SCML4: variants seen among roughly 807,000 people sequenced by gnomAD.
SCML4 encodes Scm polycomb group protein like 4.
Under a neutral mutation model 41.1 loss-of-function variants are expected in SCML4, and 34 were observed. The observed-to-expected ratio is 0.83, with a 90% CI of 0.63 to 1.10. The LOEUF is 1.10. SCML4 is among the 50% of genes least tolerant of loss of function. The pLI is 0.00. For synonymous variants in SCML4, 214 were observed against 220.9 expected (o/e 0.97, Z 0.28); for missense variants, 522 against 534.1 (o/e 0.98, Z 0.22).
At chr6:107,835,937 G>A in the SCML4 span, among the ~76,000 whole-genome samples, 1 of 152,158 alleles carries the variant, frequency 6.6e-6, no homozygotes, top group Non-Finnish European at 1.5e-5. Context: ...GTCCACAGAA[G>A]TGAGATTTAT....
intron 2 of SCML4, among the ~76,000 whole-genome samples, chr6:107,752,508 G>A (rs901562844): frequency 1.3e-5 from 2 of 152,046 alleles, no homozygotes; most frequent in East Asian, 1.9e-4. Context: ...ATTCCAACAC[G>A]AAGAGCCTGG....
intron 7 of SCML4, among the ~76,000 whole-genome samples, chr6:107,706,170 C>A (rs1773606063): frequency 6.6e-6 from 1 of 152,160 alleles, no homozygotes; most frequent in South Asian, 2.1e-4. Context: ...ATGGAGCACC[C>A]ACTCTGTGTC....
At chr6:107,828,780 T>C (rs1469317751), upstream of SCML4, among the ~76,000 whole-genome samples, 1 of 152,100 alleles carries the variant, frequency 6.6e-6, no homozygotes, top group Non-Finnish European at 1.5e-5. Context: ...TACACAAGAG[T>C]GGGTGCCAGA....
chr6:107,725,860 T>A lies in SCML4; in HGVS notation c.683-4867A>T, dbSNP rs1034443276. On this transcript the variant is annotated intron_variant, in intron 5 of 7. Transcript: ENST00000369020. ...ACTCTGGGAGGCAGAGGTGGGTGGATCACATGAGGAGTTCGAGACCAGCTT... is the reference window on the plus strand; with the variant it reads ...ACTCTGGGAGGCAGAGGTGGGTGGAACACATGAGGAGTTCGAGACCAGCTT... 3.3e-5 allele frequency among the ~76,000 whole-genome samples: 5 copies of A among 151,600 alleles called. No individual in the cohort carries two copies. In the South Asian group the frequency reaches 8.3e-4, roughly 25 times the overall value.
At chr6:107,768,898 C>A (rs1780288222) in intron 2 of SCML4, among the ~76,000 whole-genome samples, 1 of 152,130 alleles carries the variant, frequency 6.6e-6, no homozygotes, top group Non-Finnish European at 1.5e-5. Flanking sequence ...GCATTATAAC[C>A]AGCTGGCTCA....
intron 1 of SCML4, among the ~76,000 whole-genome samples, chr6:107,793,279 G>A (rs764328337): frequency 1.8e-4 from 28 of 152,294 alleles, no homozygotes; most frequent in Non-Finnish European, 3.1e-4. Context: ...TTAAAAACAG[G>A]AAAGCAGTAA....
chr6:107,780,369 T>C (rs1348861631), intron 1 of SCML4, among the ~76,000 whole-genome samples: 4 of 152,150 alleles, frequency 2.6e-5, no homozygotes, highest in Admixed American at 2.6e-4. Flanking sequence ...CATGTACTCA[T>C]TCTTAGCGTC....
chr6:107,782,378 C>T (rs1781571971), intron 1 of SCML4, among the ~76,000 whole-genome samples: 1 of 152,142 alleles, frequency 6.6e-6, no homozygotes, highest in Non-Finnish European at 1.5e-5. Context: ...AAGGTGAGCT[C>T]AAGGGAGCAT....
the SCML4 span, among the ~76,000 whole-genome samples, chr6:107,832,168 G>T: frequency 6.6e-6 from 1 of 152,172 alleles, no homozygotes; most frequent in Non-Finnish European, 1.5e-5. Flanking sequence ...GAACAAGGGA[G>T]GCAGAGGTTG....
chr6:107,803,244 G>C (rs1335091058), intron 1 of SCML4, among the ~76,000 whole-genome samples: 2 of 134,408 alleles, frequency 1.5e-5, no homozygotes, highest in African/African-American at 5.7e-5. Context: ...CGGCCGCCCT[G>C]TCTGAGAAGT....
At chr6:107,736,960 C>T (rs1429212455) in intron 5 of SCML4, among the ~76,000 whole-genome samples, 1 of 152,208 alleles carries the variant, frequency 6.6e-6, no homozygotes, top group Non-Finnish European at 1.5e-5. Flanking sequence ...CCCCATTATG[C>T]TAAACCTTCA....
intron 2 of SCML4, among the ~76,000 whole-genome samples, chr6:107,750,835 C>T (rs554065516): frequency 6.6e-6 from 1 of 152,228 alleles, no homozygotes; most frequent in African/African-American, 2.4e-5. Flanking sequence ...ACCACTGATG[C>T]TGCTGGTCCA....
chr6:107,760,996 T>C (rs1476266515), intron 2 of SCML4, among the ~76,000 whole-genome samples: 3 of 152,130 alleles, frequency 2.0e-5, no homozygotes, highest in African/African-American at 7.2e-5. Context: ...ATTGTAAACA[T>C]AGCTAAATAG....
chr6:107,785,574 A>AG (rs1781824658), intron 1 of SCML4, among the ~76,000 whole-genome samples: 1 of 152,176 alleles, frequency 6.6e-6, no homozygotes, highest in South Asian at 2.1e-4. Flanking sequence ...ATGCTCAGAG[A>AG]GGATCACAGG....
chr6:107,801,083 A>G (rs889140303), intron 1 of SCML4, among the ~76,000 whole-genome samples: 2 of 152,180 alleles, frequency 1.3e-5, no homozygotes, highest in African/African-American at 4.8e-5. Context: ...AGAGTTTTTT[A>G]TATTAAAACT....
At chr6:107,797,348 C>T (rs1368953283) in intron 1 of SCML4, among the ~76,000 whole-genome samples, 2 of 151,988 alleles carry the variant, frequency 1.3e-5, no homozygotes, top group Non-Finnish European at 2.9e-5. Context: ...ACGTCTTGCA[C>T]ATTTTGTTAA....
chr6:107,809,654 G>C (rs1333404205), intron 1 of SCML4, among the ~76,000 whole-genome samples: 2 of 152,230 alleles, frequency 1.3e-5, no homozygotes, highest in Non-Finnish European at 2.9e-5. Context: ...CTTCAATGAA[G>C]ACAGAATAAA....
At chr6:107,817,779 A>G (rs1186401889) in intron 1 of SCML4, among the ~76,000 whole-genome samples, 3 of 152,064 alleles carry the variant, frequency 2.0e-5, no homozygotes, top group Admixed American at 6.6e-5. Flanking sequence ...AATCCTCTAT[A>G]CCATCATATC....
At chr6:107,764,020 A>G (rs1178207517) in intron 2 of SCML4, among the ~76,000 whole-genome samples, 1 of 152,176 alleles carries the variant, frequency 6.6e-6, no homozygotes, top group Non-Finnish European at 1.5e-5. Flanking sequence ...TCTTCATACA[A>G]AACTCCCTTG....
Sources: gnomAD v4.1 joint callset for allele counts (sites outside exome capture counted in the v4.1 genomes callset) on GRCh38, gnomAD v4.1.1 for gene constraint, MANE v1.5 for transcripts, NCBI Gene and HGNC (gene_info 2026-07-23, HGNC 2026-07-21) for gene names.